Variants in ACTB observed in about 807,000 individuals in gnomAD.
ACTB encodes the protein actin, cytoplasmic 1.
ACTB carries 2 observed loss-of-function variants against 30.5 expected under a neutral mutation model. The ratio of observed to expected loss-of-function variants is 0.07; its 90% CI spans 0.03 to 0.21. The LOEUF is 0.21. Ranked by LOEUF, ACTB falls within the 10% of genes least tolerant of loss-of-function variation. The pLI is 1.00. For synonymous variants in ACTB, 335 were observed against 217.6 expected (o/e 1.54, Z -4.75); for missense variants, 56 against 530.0 (o/e 0.11, Z 8.78).
rs1784794683 is a variant in ACTB at position 5,527,693 on chromosome 7, T to C, written c.*55A>G. 6.2e-7 allele frequency: 1 copy of C among 1,610,556 alleles called. No homozygotes were observed. Among genetic ancestry groups the C allele is most frequent in the African/African-American group, 1.3e-5 (1 of 74,702 alleles). On this transcript the variant is annotated 3_prime_UTR_variant, in exon 6 of 6. Transcript: ENST00000646664. Reference sequence around the variant, plus strand: ...GCCATGCCAATCTCATCTTGTTTTCTGCGCAAGTTAGGTTTTGTCAAGAAA... The same window carrying C: ...GCCATGCCAATCTCATCTTGTTTTCCGCGCAAGTTAGGTTTTGTCAAGAAA...
At chr7:5,529,005 A>G (rs773576917) in intron 3 of ACTB, 156 bp downstream of exon 3, 1 of 1,605,228 alleles carries the variant, frequency 6.2e-7, no homozygotes, top group South Asian at 1.1e-5. Flanking sequence ...CATCTGGGAA[A>G]AAGCAAATAG....
rs969043703 is a variant in ACTB, at chr7:5,530,589, C to G, written c.-72G>C. 2 of 152,068 alleles carry G rather than the reference C, an allele frequency of 1.3e-5. No homozygotes were observed. Among genetic ancestry groups the G allele is most frequent in the African/African-American group, 2.4e-5 (1 of 41,402 alleles). 9.4% of individuals were successfully genotyped at this position (152,068 alleles called of 1,614,324 possible). A position where few individuals can be genotyped will look rare whatever the true frequency, so the allele number is the denominator to read the frequency against. ...AGGCTCTGTGCTCGCGGGGCGGACG[C>G]GGTCTCGGCGGTGGTGGCGCGTCGC... On this transcript the variant is annotated 5_prime_UTR_variant, in exon 1 of 6. Coordinates refer to ENST00000646664, the MANE Select transcript of ACTB (RefSeq NM_001101.5).
intron 1 of ACTB, among the ~76,000 whole-genome samples, chr7:5,530,216 C>A (rs975587917): frequency 6.6e-6 from 1 of 151,954 alleles, no homozygotes; most frequent in Non-Finnish European, 1.5e-5. Context: ...GGGGCTCCGC[C>A]GCGCCCACCC....
rs771923887 is a variant in ACTB, at chr7:5,529,515, C to T, written c.123+20G>A. Reference sequence around the variant, plus strand: ...CTCCCGCCCGCTCCCGGGGCTGCCCCACCCAGCCAGCTCCCCTACCTGGTG... The same window carrying T: ...CTCCCGCCCGCTCCCGGGGCTGCCCTACCCAGCCAGCTCCCCTACCTGGTG... On this transcript the variant is annotated intron_variant, in intron 2 of 5. Transcript: ENST00000646664. 6.2e-7 allele frequency: 1 copy of T among 1,611,836 alleles called. No individual in the cohort carries two copies.
intron 5 of ACTB, 50 bp from the exon 6 acceptor site, chr7:5,527,941 C>G: frequency 6.2e-7 from 1 of 1,613,054 alleles, no homozygotes; most frequent in South Asian, 1.1e-5. Context: ...TGACAGCTCC[C>G]CACACACCAC....
At position 5,528,717 on chromosome 7, in the gene ACTB, G is replaced by A; in HGVS notation, c.366C>T (p.Ile122=). The change falls in exon 4 of 6, where the codon ATC becomes ATT. Residue 122 remains isoleucine (I), a splice_region_variant and synonymous_variant. Transcript: ENST00000646664. ...CTGGGGTGTTGAAGGTCTCAAACAT[G>A]ATCTGTAAGGCAGAGATACACCATG... ...PKANREKMTQ[I]MFETFNTPAM... 1 of 1,613,620 alleles carries A rather than the reference G, an allele frequency of 6.2e-7. No individual in the cohort carries two copies.
intron 1 of ACTB, among the ~76,000 whole-genome samples, chr7:5,530,228 G>A (rs1584264454): frequency 6.6e-6 from 1 of 151,916 alleles, no homozygotes; most frequent in African/African-American, 2.4e-5. Context: ...CGCCCACCCT[G>A]CGATCCCCAT....
chr7:5,529,949 C>A (rs996454997), intron 1 of ACTB: 1 of 282,286 alleles, frequency 3.5e-6, no homozygotes, highest in Non-Finnish European at 6.6e-6. Flanking sequence ...AGCGGCCACA[C>A]CCTCGGGCGG....
rs1304440430 is a variant in ACTB, at chr7:5,530,511, T to C, written c.-7+13A>G. ...CCGTGAGCCGCCTGCCCCGGTCGGCTGGCCGGGCTTACCTGGCGGCGGGTG... is the reference window on the plus strand; with the variant it reads ...CCGTGAGCCGCCTGCCCCGGTCGGCCGGCCGGGCTTACCTGGCGGCGGGTG... On this transcript the variant is annotated intron_variant, in intron 1 of 5. Coordinates refer to ENST00000646664, the MANE Select transcript of ACTB (RefSeq NM_001101.5). 2 of 150,988 alleles carry C rather than the reference T, an allele frequency of 1.3e-5. No individual in the cohort carries two copies. Among genetic ancestry groups the C allele is most frequent in the African/African-American group, 4.9e-5 (2 of 40,960 alleles). 9.4% of individuals were successfully genotyped at this position (150,988 alleles called of 1,614,324 possible).
intron 3 of ACTB, 122 bp from the exon 4 acceptor site, chr7:5,528,841 G>A (rs911824487): frequency 2.9e-5 from 41 of 1,427,622 alleles, no homozygotes; most frequent in Non-Finnish European, 3.4e-5. Flanking sequence ...GGGATGGGGA[G>A]TCTGTTCAGA....
rs774049129 is a variant in ACTB at position 5,529,845 on chromosome 7, C to T, written c.-6-182G>A. 16 of 1,056,818 alleles carry T rather than the reference C, an allele frequency of 1.5e-5. No individual in the cohort carries two copies. In the Admixed American group the frequency reaches 3.3e-4, roughly 22 times the overall value. The allele number at this position is 1,056,818 out of a possible 1,614,324, so 65.5% of individuals were successfully genotyped here. Reference sequence around the variant, plus strand: ...ACTGGTCGGAGGCGTCCCCGCGGCGCGCGGCAGGAAGCCAGGCCCCAACCC... The same window carrying T: ...ACTGGTCGGAGGCGTCCCCGCGGCGTGCGGCAGGAAGCCAGGCCCCAACCC... On this transcript the variant is annotated intron_variant, in intron 1 of 5. Transcript: ENST00000646664.
At chr7:5,529,767 G>A (rs777332586) in intron 1 of ACTB, 104 bp from the exon 2 acceptor site, 6 of 1,561,248 alleles carry the variant, frequency 3.8e-6, no homozygotes, top group Non-Finnish European at 5.2e-6. Flanking sequence ...CGCGCGCCCA[G>A]ATTGGGGACA....
rs1174797620 is a variant in ACTB at position 5,527,361 on chromosome 7, C to A, written c.*387G>T. ...CGAAGATTAAAAAAATTTTGCATTA[C>A]ATAATTTACACGAAAGCAATGCTAT... On this transcript the variant is annotated 3_prime_UTR_variant, in exon 6 of 6. Coordinates refer to ENST00000646664, the MANE Select transcript of ACTB (RefSeq NM_001101.5). 1.1e-5 allele frequency: 3 copies of A among 279,192 alleles called. No individual in the cohort carries two copies. The highest frequency in any genetic ancestry group is 2.1e-5 in the Non-Finnish European group (3 of 143,872). 17.3% of individuals were successfully genotyped at this position (279,192 alleles called of 1,614,324 possible). A position where few individuals can be genotyped will look rare whatever the true frequency, so the allele number is the denominator to read the frequency against.
In ACTB at chr7:5,527,985, A is replaced by G; in HGVS notation, c.984+19T>C. On this transcript the variant is annotated intron_variant, in intron 5 of 5. Coordinates refer to ENST00000646664, the MANE Select transcript of ACTB (RefSeq NM_001101.5). ...ACAGCCGACCTGCCCAGGTCAGCTC[A>G]GGCAGGAAAGACACCCACCTTGATC... 2.5e-6 allele frequency: 4 copies of G among 1,613,168 alleles called. No homozygotes were observed. In the South Asian group the frequency reaches 4.4e-5, roughly 18 times the overall value.
Position 5,527,351 on chromosome 7 carries a change from T to C in ACTB, c.*397A>G, listed in dbSNP as rs1424805862. 6 of 262,678 alleles carry C rather than the reference T, an allele frequency of 2.3e-5. No homozygotes were observed. Among genetic ancestry groups the C allele is most frequent in the Non-Finnish European group, 3.7e-5 (5 of 133,808 alleles). The allele number at this position is 262,678 out of a possible 1,614,324, so 16.3% of individuals were successfully genotyped here. On this transcript the variant is annotated 3_prime_UTR_variant, in exon 6 of 6. Coordinates refer to ENST00000646664, the MANE Select transcript of ACTB (RefSeq NM_001101.5). ...AGTATTAAGGCGAAGATTAAAAAAA[T>C]TTTGCATTACATAATTTACACGAAA...
intron 3 of ACTB, 98 bp downstream of exon 3, chr7:5,529,063 C>G (rs763801135): frequency 3.7e-6 from 6 of 1,613,162 alleles, no homozygotes; most frequent in Non-Finnish European, 5.1e-6. Flanking sequence ...GAGAGTCCTA[C>G]GGAAAACGGC....
Position 5,527,844 on chromosome 7 carries a change from G to A in ACTB, c.1032C>T (p.Ser344=), listed in dbSNP as rs1784798344. The change falls in exon 6 of 6, where the codon TCC becomes TCT. Residue 344 remains serine, a synonymous_variant. Coordinates refer to ENST00000646664, the MANE Select transcript of ACTB (RefSeq NM_001101.5). The part of the protein sequence containing the change: ...ERKYSVWIGG[S]ILASLSTFQQ... Reference sequence around the variant, plus strand: ...GGAAGGTGGACAGCGAGGCCAGGATGGAGCCGCCGATCCACACGGAGTACT... The same window carrying A: ...GGAAGGTGGACAGCGAGGCCAGGATAGAGCCGCCGATCCACACGGAGTACT... The A allele has an allele frequency of 1.9e-6, 3 of 1,613,630 alleles. No homozygotes were observed. The highest frequency in any genetic ancestry group is 1.7e-5 in the Admixed American group (1 of 59,958).
In ACTB at chr7:5,528,570, G is replaced by A; in HGVS notation, c.513C>T (p.Leu171=). The A allele has an allele frequency of 6.2e-7, 1 of 1,614,040 alleles. No individual in the cohort carries two copies. Among genetic ancestry groups the A allele is most frequent in the Non-Finnish European group, 8.5e-7 (1 of 1,180,040 alleles). Residue 171 remains leucine, a synonymous_variant, in exon 4 of 6, where the codon CTC becomes CTT. Coordinates refer to ENST00000646664, the MANE Select transcript of ACTB (RefSeq NM_001101.5). ...HTVPIYEGYA[L]PHAILRLDLA... is the part of the protein sequence containing the mutation. ...GGTCCAGACGCAGGATGGCATGGGGGAGGGCATACCCCTCGTAGATGGGCA... is the reference window on the plus strand; with the variant it reads ...GGTCCAGACGCAGGATGGCATGGGGAAGGGCATACCCCTCGTAGATGGGCA...
At chr7:5,529,483 C>T in intron 2 of ACTB, 52 bp downstream of exon 2, 1 of 1,612,624 alleles carries the variant, frequency 6.2e-7, no homozygotes, top group Admixed American at 1.7e-5. Context: ...AGAGAAAGCG[C>T]CCTTGCCTCC....
Sources: allele counts gnomAD v4.1 joint callset (sites outside exome capture counted in the v4.1 genomes callset), GRCh38; gene constraint gnomAD v4.1.1; transcripts MANE v1.5; gene names NCBI Gene and HGNC (gene_info 2026-07-23, HGNC 2026-07-21).